GPATCH8: variants seen among roughly 807,000 people sequenced by gnomAD.
GPATCH8 encodes the protein G patch domain-containing protein 8.
In GPATCH8, 18 loss-of-function variants were observed where a neutral mutation model predicts 118.3. That is an observed-to-expected ratio of 0.15 (90% confidence interval 0.11 to 0.23). GPATCH8 has a LOEUF of 0.23. Among genes scored for constraint, GPATCH8 ranks in the 10% least tolerant of loss-of-function variants. The pLI is 1.00. For synonymous variants in GPATCH8, 659 were observed against 684.7 expected (o/e 0.96, Z 0.59); for missense variants, 1,631 against 1,873.8 (o/e 0.87, Z 2.39).
chr17:44,419,832 T>A lies in GPATCH8; in HGVS notation c.492+4517A>T, dbSNP rs573814411. On this transcript the variant is annotated intron_variant, in intron 6 of 7. Transcript: ENST00000591680. The stretch of plus-strand genomic sequence containing the variant: ...TGAGCCACTGCACCCAGTGGGTTCC[T>A]CAGACATTCCAAGTTCAGGGAAGAG... Among the ~76,000 whole-genome samples, 597 of 152,290 alleles carry A rather than the reference T, an allele frequency of 3.9e-3. 1 individual carries two copies. Among genetic ancestry groups the A allele is most frequent in the African/African-American group, 0.014 (565 of 41,570 alleles).
At chr17:44,467,311 G>A in intron 2 of GPATCH8, 1 of 246,472 alleles carries the variant, frequency 4.1e-6, no homozygotes, top group South Asian at 4.3e-5. Context: ...AACAGTGAAA[G>A]GAAAAGCAAA....
chr17:44,483,265 T>G, intron 1 of GPATCH8, among the ~76,000 whole-genome samples: 1 of 134,356 alleles, frequency 7.4e-6, no homozygotes, highest in South Asian at 2.7e-4. Flanking sequence ...TTTTTTGTTT[T>G]TTTGAGATGG....
At position 44,397,019 on chromosome 17, in the gene GPATCH8, T is replaced by C; in HGVS notation, c.*549A>G. On this transcript the variant is annotated 3_prime_UTR_variant, in exon 8 of 8. Coordinates refer to ENST00000591680, the MANE Select transcript of GPATCH8 (RefSeq NM_001002909.4). ...AGCCTGAGTTATATCAGGTTCCAGGTGAGACGCTTTCCACCTCACCTGGGA... is the reference window on the plus strand; with the variant it reads ...AGCCTGAGTTATATCAGGTTCCAGGCGAGACGCTTTCCACCTCACCTGGGA... 1 of 453,972 alleles carries C rather than the reference T, an allele frequency of 2.2e-6. No homozygotes were observed. Among genetic ancestry groups the C allele is most frequent in the Non-Finnish European group, 4.4e-6 (1 of 226,762 alleles). The allele number at this position is 453,972 out of a possible 1,614,324, so 28.1% of individuals were successfully genotyped here.
At chr17:44,461,274 T>C (rs1176864832) in intron 3 of GPATCH8, among the ~76,000 whole-genome samples, 1 of 152,060 alleles carries the variant, frequency 6.6e-6, no homozygotes, top group Non-Finnish European at 1.5e-5. Flanking sequence ...CTTCAAATCC[T>C]GGGCTCAAGT....
At chr17:44,422,400 G>A (rs1029632232) in intron 6 of GPATCH8, among the ~76,000 whole-genome samples, 1 of 151,944 alleles carries the variant, frequency 6.6e-6, no homozygotes, top group Non-Finnish European at 1.5e-5. Flanking sequence ...ACATTGCTCA[G>A]GGTGGTCTCG....
At chr17:44,476,329 C>G (rs934243945) in intron 1 of GPATCH8, among the ~76,000 whole-genome samples, 1 of 152,020 alleles carries the variant, frequency 6.6e-6, no homozygotes, top group Non-Finnish European at 1.5e-5. Context: ...CTCAGCCTCC[C>G]AAGTAGCTGG....
intron 3 of GPATCH8, among the ~76,000 whole-genome samples, chr17:44,438,968 CAGT>C (rs1485128357): frequency 6.6e-6 from 1 of 152,148 alleles, no homozygotes; most frequent in Non-Finnish European, 1.5e-5. Context: ...GGTAGGGTGT[CAGT>C]TTAAAGTAAG....
In GPATCH8 at chr17:44,406,581, A is replaced by G. The variant is rs111499943; in HGVS notation, c.493-530T>C. ...AAAGGTGGTTTTTTTTTCTTTCAGCATGAGTAGAGGTTTCCTATAACTATT... is the reference window on the plus strand; with the variant it reads ...AAAGGTGGTTTTTTTTTCTTTCAGCGTGAGTAGAGGTTTCCTATAACTATT... On this transcript the variant is annotated intron_variant, in intron 6 of 7. Transcript: ENST00000591680. Among the ~76,000 whole-genome samples, 1,362 of 145,542 alleles carry G rather than the reference A, an allele frequency of 9.4e-3. 27 individuals are homozygous for G. Among genetic ancestry groups the G allele is most frequent in the African/African-American group, 0.033 (1,291 of 39,028 alleles).
intron 3 of GPATCH8, among the ~76,000 whole-genome samples, chr17:44,444,779 G>T: frequency 6.6e-6 from 1 of 150,944 alleles, no homozygotes; most frequent in Admixed American, 6.6e-5. Context: ...CATCTCACGG[G>T]GGGAAAAAAA....
chr17:44,478,716 ATGT>A (rs1967971950), intron 1 of GPATCH8, among the ~76,000 whole-genome samples: 1 of 152,056 alleles, frequency 6.6e-6, no homozygotes, highest in Non-Finnish European at 1.5e-5. Flanking sequence ...AACAATAACT[ATGT>A]ACTACTTTTT....
At chr17:44,488,807 C>T (rs912549832) in intron 1 of GPATCH8, among the ~76,000 whole-genome samples, 12 of 151,752 alleles carry the variant, frequency 7.9e-5, no homozygotes, top group African/African-American at 2.9e-4. Flanking sequence ...AAAAAACAGG[C>T]CAGGCACGGT....
intron 3 of GPATCH8, among the ~76,000 whole-genome samples, chr17:44,457,292 A>C (rs2051371844): frequency 6.6e-6 from 1 of 152,204 alleles, no homozygotes; most frequent in South Asian, 2.1e-4. Context: ...ATGCCCACAG[A>C]ATGTACCATT....
Position 44,401,469 on chromosome 17 carries a change from G to GA in GPATCH8, c.624-17dup. 2 of 1,556,582 alleles carry GA rather than the reference G, an allele frequency of 1.3e-6. No homozygotes were observed. The highest frequency in any genetic ancestry group is 1.8e-6 in the Non-Finnish European group (2 of 1,127,534). ...TCCAGGTGCACTACATGATGATTTA[G>GA]AAAAATAAAAAACAAAAAGCAGGTT... On this transcript the variant is annotated splice_polypyrimidine_tract_variant and intron_variant, in intron 7 of 7. Coordinates refer to ENST00000591680, the MANE Select transcript of GPATCH8 (RefSeq NM_001002909.4).
At chr17:44,406,749 G>A (rs149751012) in intron 6 of GPATCH8, among the ~76,000 whole-genome samples, 228 of 152,280 alleles carry the variant, frequency 1.5e-3, no homozygotes, top group African/African-American at 5.3e-3. Context: ...AGGGGATGAG[G>A]AGGGAGAGCA....
chr17:44,493,560 A>G (rs1443527186), intron 1 of GPATCH8, among the ~76,000 whole-genome samples: 2 of 152,126 alleles, frequency 1.3e-5, no homozygotes, highest in Non-Finnish European at 2.9e-5. Flanking sequence ...CCTTGAAGAG[A>G]GGCCAATCTA....
At chr17:44,454,113 C>T (rs2051238030) in intron 3 of GPATCH8, among the ~76,000 whole-genome samples, 1 of 152,122 alleles carries the variant, frequency 6.6e-6, no homozygotes, top group Non-Finnish European at 1.5e-5. Context: ...AGTGAAGTCA[C>T]CCCTAGTTAT....
chr17:44,452,148 C>G (rs1015160920), intron 3 of GPATCH8, among the ~76,000 whole-genome samples: 4 of 151,346 alleles, frequency 2.6e-5, no homozygotes, highest in African/African-American at 9.7e-5. Flanking sequence ...TGGCATGCAC[C>G]TATAATCTCA....
At chr17:44,483,064 G>A (rs1188252031) in intron 1 of GPATCH8, among the ~76,000 whole-genome samples, 20 of 140,278 alleles carry the variant, frequency 1.4e-4, no homozygotes, top group Non-Finnish European at 2.6e-4. Flanking sequence ...GCTGAGGCAG[G>A]AGAATGGTGT....
intron 2 of GPATCH8, among the ~76,000 whole-genome samples, chr17:44,467,951 A>AT (rs1966930949): frequency 6.6e-6 from 1 of 151,880 alleles, no homozygotes; most frequent in African/African-American, 2.4e-5. Context: ...CAAGCAATCT[A>AT]TTCTCTCTGT....
Sources: allele counts gnomAD v4.1 joint callset (sites outside exome capture counted in the v4.1 genomes callset), GRCh38; gene constraint gnomAD v4.1.1; transcripts MANE v1.5; gene names NCBI Gene and HGNC (gene_info 2026-07-23, HGNC 2026-07-21).